Variants in SYNE1 observed in about 807,000 individuals in gnomAD.
SYNE1 encodes the protein spectrin repeat containing nuclear envelope protein 1, also known as nesprin-1.
SYNE1 carries 616 observed loss-of-function variants against 1,111.0 expected under a neutral mutation model. The ratio of observed to expected loss-of-function variants is 0.55; its 90% CI spans 0.52 to 0.59. The LOEUF is 0.59. Ranked by LOEUF, SYNE1 falls within the 20% of genes least tolerant of loss-of-function variation. The probability of loss-of-function intolerance (pLI) is 0.00; values close to 1 mark genes in which losing one functional copy is unlikely to be tolerated. For missense variants in SYNE1, 10,006 were observed against 10,417.0 expected (o/e 0.96, Z 1.72); for synonymous variants, 3,855 against 3,825.8 (o/e 1.01, Z -0.28).
intron 2 of SYNE1, among the ~76,000 whole-genome samples, chr6:152,634,886 A>G (rs2129038759): frequency 6.6e-6 from 1 of 152,376 alleles, no homozygotes; most frequent in East Asian, 1.9e-4. Context: ...ATTTAAGAGG[A>G]GACACACAGA....
chr6:152,570,239 C>T (rs2128302589), intron 3 of SYNE1, among the ~76,000 whole-genome samples: 1 of 152,286 alleles, frequency 6.6e-6, no homozygotes, highest in South Asian at 2.1e-4. Context: ...AAAGTTAAAA[C>T]AGTTTATTTC....
intron 55 of SYNE1, among the ~76,000 whole-genome samples, chr6:152,383,821 A>G (rs999784715): frequency 6.6e-6 from 1 of 152,190 alleles, no homozygotes; most frequent in Non-Finnish European, 1.5e-5. Context: ...CCCCCAAGAC[A>G]TTACTACTAC....
chr6:152,292,859 A>C (rs2094676647), intron 95 of SYNE1, among the ~76,000 whole-genome samples: 1 of 152,228 alleles, frequency 6.6e-6, no homozygotes, highest in South Asian at 2.1e-4. Context: ...AATATGTAGG[A>C]GAATGTGTGC....
intron 126 of SYNE1, among the ~76,000 whole-genome samples, chr6:152,205,542 T>A (rs1439059618): frequency 1.3e-5 from 2 of 152,204 alleles, no homozygotes; most frequent in African/African-American, 4.8e-5. Flanking sequence ...AGAGGTCCTG[T>A]CCTTTTTAAA....
chr6:152,123,292 G>A (rs1320562703), intron 145 of SYNE1, among the ~76,000 whole-genome samples: 1 of 152,186 alleles, frequency 6.6e-6, no homozygotes, highest in African/African-American at 2.4e-5. Flanking sequence ...GTACGAACAA[G>A]GAATAGCAGT....
intron 131 of SYNE1, 82 bp from the exon 132 acceptor site, chr6:152,156,179 G>A (rs951185726): frequency 8.5e-6 from 12 of 1,418,300 alleles, no homozygotes; most frequent in East Asian, 2.3e-5. Context: ...GTTGGTAAAT[G>A]GCTAGGCTAC....
chr6:152,328,788 A>G (rs2096162181), intron 78 of SYNE1, among the ~76,000 whole-genome samples: 1 of 152,188 alleles, frequency 6.6e-6, no homozygotes, highest in South Asian at 2.1e-4. Flanking sequence ...GAAGTTTTGT[A>G]CATGCTCCCA....
chr6:152,341,973 C>T (rs372660891), intron 74 of SYNE1, among the ~76,000 whole-genome samples: 3 of 152,026 alleles, frequency 2.0e-5, no homozygotes, highest in Admixed American at 6.6e-5. Context: ...AAAGAAATAA[C>T]AACAAAAAAT....
chr6:152,342,193 T>A (rs2096547348), intron 74 of SYNE1, among the ~76,000 whole-genome samples: 1 of 152,232 alleles, frequency 6.6e-6, no homozygotes, highest in South Asian at 2.1e-4. Context: ...TACTCTGGTA[T>A]GTGTAGGAAA....
intron 145 of SYNE1, chr6:152,125,208 T>C: frequency 6.5e-7 from 1 of 1,528,058 alleles, no homozygotes; most frequent in Non-Finnish European, 8.8e-7. Flanking sequence ...GTGAAATGTT[T>C]TGCTGGTTGG....
chr6:152,444,854 A>G (rs761549672), intron 29 of SYNE1, among the ~76,000 whole-genome samples: 98 of 152,214 alleles, frequency 6.4e-4, no homozygotes, highest in Non-Finnish European at 1.3e-3. Flanking sequence ...GAACTTTTTC[A>G]TCTTAGAACT....
intron 96 of SYNE1, among the ~76,000 whole-genome samples, chr6:152,282,562 C>A (rs2094100042): frequency 1.3e-5 from 2 of 151,908 alleles, no homozygotes; most frequent in Admixed American, 1.3e-4. Context: ...AAAAAAAAAT[C>A]GACGTCAATC....
rs185577911 is a variant in SYNE1, at chr6:152,365,314, C to T, written c.9973-295G>A. Among the ~76,000 whole-genome samples the T allele has an allele frequency of 3.3e-4, 51 of 152,250 alleles. No individual in the cohort carries two copies. In the East Asian group the frequency reaches 8.7e-3, roughly 26 times the overall value. On this transcript the variant is annotated intron_variant, in intron 62 of 145. Coordinates refer to ENST00000367255, the MANE Select transcript of SYNE1 (RefSeq NM_182961.4). ...GTTTTAACAAGGGAAAAATATAGTA[C>T]AGTAGAATTCATGATTTCTCAAAGG... is the stretch of plus-strand genomic sequence containing the variant.
At chr6:152,288,847 C>T (rs2094453243) in intron 95 of SYNE1, among the ~76,000 whole-genome samples, 1 of 152,138 alleles carries the variant, frequency 6.6e-6, no homozygotes, top group Non-Finnish European at 1.5e-5. Flanking sequence ...TGCCCAGCCT[C>T]ACTTAAATCT....
At chr6:152,378,424 G>A (rs1270205992) in intron 56 of SYNE1, among the ~76,000 whole-genome samples, 1 of 152,090 alleles carries the variant, frequency 6.6e-6, no homozygotes, top group Non-Finnish European at 1.5e-5. Context: ...AGCATCATCC[G>A]GGCCTCTCCC....
At position 152,425,526 on chromosome 6, in the gene SYNE1, A is replaced by T; in HGVS notation, c.5122T>A (p.Ser1708Thr). The T allele has an allele frequency of 6.2e-7, 1 of 1,614,162 alleles. No homozygotes were observed. The highest frequency in any genetic ancestry group is 8.5e-7 in the Non-Finnish European group (1 of 1,180,012). ...AGTTTGCTATAGAATGAGGCCTGGG[A>T]TACAACTTCATTTTGCAGTGCCTGA... is the stretch of plus-strand genomic sequence containing the variant. ...LIQALQNEVVSQASFYSKLLQ... is the reference protein window; with the variant it reads ...LIQALQNEVVTQASFYSKLLQ... The change falls in exon 39 of 146, where the codon TCC becomes ACC. Residue 1708 changes from serine to threonine, a missense_variant. Around this residue, in one of 7 missense-constraint regions of SYNE1, gnomAD observed 1,971 missense variants for 2,084.1 expected, o/e 0.95. Transcript: ENST00000367255.
At chr6:152,278,335 A>G in intron 97 of SYNE1, 55 bp from the exon 98 acceptor site, 2 of 1,591,836 alleles carry the variant, frequency 1.3e-6, no homozygotes, top group Admixed American at 1.7e-5. Flanking sequence ...CTCTGCAAAG[A>G]CTGTTTCCCA....
intron 107 of SYNE1, among the ~76,000 whole-genome samples, chr6:152,240,282 G>A (rs1438968617): frequency 6.8e-6 from 1 of 147,082 alleles, no homozygotes; most frequent in Non-Finnish European, 1.5e-5. Context: ...TCTGGTTGGA[G>A]ACTCCATCTC....
At chr6:152,474,130 A>T (rs972738647) in intron 14 of SYNE1, among the ~76,000 whole-genome samples, 5 of 152,080 alleles carry the variant, frequency 3.3e-5, no homozygotes, top group African/African-American at 1.2e-4. Flanking sequence ...GGTCGCAGTG[A>T]GGGAAGATCA....
Sources: allele counts gnomAD v4.1 joint callset (sites outside exome capture counted in the v4.1 genomes callset), GRCh38; gene constraint gnomAD v4.1.1; regional missense constraint gnomAD v4.1.1; transcripts MANE v1.5; gene names NCBI Gene and HGNC (gene_info 2026-07-23, HGNC 2026-07-21).